The following PTPRK variants were observed in gnomAD, a reference collection of about 807,000 sequenced individuals.
The protein encoded by PTPRK is protein tyrosine phosphatase receptor type K, also known as receptor-type tyrosine-protein phosphatase kappa.
PTPRK carries 75 observed loss-of-function variants against 178.0 expected under a neutral mutation model. The ratio of observed to expected loss-of-function variants is 0.42; its 90% CI spans 0.35 to 0.51. The LOEUF is 0.51. Among genes scored for constraint, PTPRK ranks in the 20% least tolerant of loss-of-function variants. The pLI is 0.02. For missense variants in PTPRK, 1,441 were observed against 1,797.8 expected (o/e 0.80, Z 3.59); for synonymous variants, 637 against 620.6 (o/e 1.03, Z -0.39).
intron 2 of PTPRK, 36 bp from the exon 3 acceptor site, chr6:128,322,346 T>C (rs762085222): frequency 1.3e-6 from 2 of 1,506,568 alleles, no homozygotes; most frequent in South Asian, 1.2e-5. Context: ...GCTAAAGAGA[T>C]ATATAAGCAA....
At chr6:128,164,721 G>C (rs957420226) in intron 7 of PTPRK, among the ~76,000 whole-genome samples, 3 of 131,784 alleles carry the variant, frequency 2.3e-5, no homozygotes, top group Non-Finnish European at 4.5e-5. Context: ...TTACAGGCTG[G>C]GGGGGGAGAT....
At position 128,311,887 on chromosome 6, in the gene PTPRK, T is replaced by G. The variant is rs138239428; in HGVS notation, c.495+10152A>C. On this transcript the variant is annotated intron_variant, in intron 3 of 29. Coordinates refer to ENST00000368226, the MANE Select transcript of PTPRK (RefSeq NM_002844.4). ...CCTTTTCCTTCCCATTTAAGGGTCA[T>G]GACCAACACTCCTATCACAAAAACA... Among the ~76,000 whole-genome samples the G allele has an allele frequency of 5.8e-3, 883 of 152,264 alleles. 8 individuals carry two copies. Among genetic ancestry groups the G allele is most frequent in the African/African-American group, 0.02 (827 of 41,554 alleles).
At chr6:128,004,838 A>G (rs1778239968) in intron 15 of PTPRK, 1 of 407,912 alleles carries the variant, frequency 2.5e-6, no homozygotes, top group Admixed American at 3.9e-5. Context: ...TGAGTGGTAT[A>G]TGTTTGGAAT....
intron 3 of PTPRK, among the ~76,000 whole-genome samples, chr6:128,302,293 G>A (rs922275380): frequency 6.6e-6 from 1 of 150,818 alleles, no homozygotes. Flanking sequence ...TAGGGAGGCT[G>A]CGGCATAAGA....
chr6:128,322,243 T>C lies in PTPRK; in HGVS notation c.291A>G (p.Thr97=), dbSNP rs758337668. 1.2e-6 allele frequency: 2 copies of C among 1,612,950 alleles called. No individual in the cohort carries two copies. Among genetic ancestry groups the C allele is most frequent in the Admixed American group, 3.3e-5 (2 of 59,942 alleles). The change falls in exon 3 of 30, where the codon ACA becomes ACG. Residue 97 remains threonine (T), a synonymous_variant. Transcript: ENST00000368226. The part of the protein sequence containing the change: ...PGEKARLQLP[T]MKENDTHCID... ...TGCAGTGAGTGTCGTTCTCCTTCAT[T>C]GTAGGCAGCTGAAGTCTGGCTTTTT...
chr6:127,998,593 A>G (rs1777449864), intron 16 of PTPRK, 127 bp downstream of exon 16: 5 of 671,338 alleles, frequency 7.4e-6, no homozygotes, highest in Middle Eastern at 4.6e-4. Flanking sequence ...ACACTCATAA[A>G]CACTAGATTA....
intron 7 of PTPRK, among the ~76,000 whole-genome samples, chr6:128,169,451 C>T (rs1365056488): frequency 2.0e-5 from 3 of 151,936 alleles, no homozygotes; most frequent in Non-Finnish European, 2.9e-5. Flanking sequence ...AGATCAATCT[C>T]TTTATTTTCT....
At chr6:128,233,262 CTA>C (rs1234604617) in intron 5 of PTPRK, among the ~76,000 whole-genome samples, 4 of 152,150 alleles carry the variant, frequency 2.6e-5, no homozygotes, top group Non-Finnish European at 5.9e-5. Flanking sequence ...TGGTGTAGTG[CTA>C]TGTTTTCATC....
chr6:128,040,111 C>T (rs1222628186), intron 13 of PTPRK, among the ~76,000 whole-genome samples: 1 of 152,106 alleles, frequency 6.6e-6, no homozygotes, highest in Non-Finnish European at 1.5e-5. Context: ...TAGCTACATA[C>T]TTCTTAGGAA....
intron 13 of PTPRK, among the ~76,000 whole-genome samples, chr6:128,043,567 T>C (rs901073392): frequency 7.9e-5 from 12 of 151,998 alleles, no homozygotes; most frequent in Admixed American, 7.9e-4. Flanking sequence ...AAAAGAAGTG[T>C]TCTAAATTTG....
chr6:128,026,939 A>G (rs1774414958), intron 13 of PTPRK, among the ~76,000 whole-genome samples: 1 of 152,126 alleles, frequency 6.6e-6, no homozygotes, highest in African/African-American at 2.4e-5. Flanking sequence ...CTAGTAGGGG[A>G]GGTAGGCATT....
At chr6:128,511,933 A>G (rs1490793997) in intron 1 of PTPRK, among the ~76,000 whole-genome samples, 1 of 152,218 alleles carries the variant, frequency 6.6e-6, no homozygotes, top group Non-Finnish European at 1.5e-5. Flanking sequence ...ATGGGCTCTC[A>G]GTAAATTACA....
chr6:128,454,034 C>A (rs958656428), intron 1 of PTPRK, among the ~76,000 whole-genome samples: 2 of 152,144 alleles, frequency 1.3e-5, no homozygotes, highest in Non-Finnish European at 2.9e-5. Context: ...AGAAAATCCC[C>A]ATTTTGCAGC....
intron 3 of PTPRK, among the ~76,000 whole-genome samples, chr6:128,251,375 T>G (rs1816434451): frequency 6.6e-6 from 1 of 152,196 alleles, no homozygotes; most frequent in Non-Finnish European, 1.5e-5. Flanking sequence ...CCAAATCGAT[T>G]CTTCATCTAA....
At chr6:128,482,723 C>A (rs1356281274) in intron 1 of PTPRK, among the ~76,000 whole-genome samples, 1 of 152,166 alleles carries the variant, frequency 6.6e-6, no homozygotes, top group Non-Finnish European at 1.5e-5. Context: ...CAGCAAGGTG[C>A]TAGGAAATAC....
At chr6:128,096,025 A>C (rs1298202399) in intron 7 of PTPRK, among the ~76,000 whole-genome samples, 1 of 152,176 alleles carries the variant, frequency 6.6e-6, no homozygotes, top group Non-Finnish European at 1.5e-5. Context: ...TTGTGCACCT[A>C]ATTCTTAATT....
chr6:128,196,390 A>T (rs556851008), intron 6 of PTPRK, among the ~76,000 whole-genome samples: 4 of 152,256 alleles, frequency 2.6e-5, no homozygotes, highest in Admixed American at 1.3e-4. Context: ...CTGATAAAAT[A>T]ACAAGTTAAT....
intron 7 of PTPRK, among the ~76,000 whole-genome samples, chr6:128,124,042 GTTT>G (rs113506773): frequency 0.028 from 3,770 of 136,850 alleles, 71 homozygotes; most frequent in Middle Eastern, 0.1. Context: ...ATTAAAACTT[GTTT>G]TTTTTTTTTT....
chr6:127,988,549 AC>A (rs143442352), intron 21 of PTPRK, among the ~76,000 whole-genome samples: 7,248 of 152,052 alleles, frequency 0.048, 254 homozygotes, highest in Middle Eastern at 0.11. Context: ...ATTTTCTTCT[AC>A]CATCTATTCA....
Sources: allele counts gnomAD v4.1 joint callset (sites outside exome capture counted in the v4.1 genomes callset), GRCh38; gene constraint gnomAD v4.1.1; transcripts MANE v1.5; gene names NCBI Gene and HGNC (gene_info 2026-07-23, HGNC 2026-07-21).